Variants in SLC44A5 observed in about 807,000 individuals in gnomAD.
SLC44A5 encodes the protein choline transporter-like protein 5.
In SLC44A5, 57 loss-of-function variants were observed where a neutral mutation model predicts 101.8. The ratio of observed to expected loss-of-function variants is 0.56; its 90% CI spans 0.45 to 0.70. SLC44A5 has a LOEUF of 0.70. SLC44A5 is among the 30% of genes least tolerant of loss of function. The pLI, the probability that SLC44A5 is intolerant of heterozygous loss-of-function variation, is 0.00. For missense variants in SLC44A5, 737 were observed against 853.1 expected (o/e 0.86, Z 1.70); for synonymous variants, 281 against 290.9 (o/e 0.97, Z 0.35).
rs1228367756 is a variant in SLC44A5, at chr1:75,537,029, A to ATATATATATAT, written c.13+4405_13+4406insATATATATATA. Among the ~76,000 whole-genome samples the ATATATATATAT allele has an allele frequency of 2.3e-3, 59 of 25,230 alleles. 1 individual carries two copies. The highest frequency in any genetic ancestry group is 0.015 in the South Asian group (5 of 324). The allele number at this position is 25,230 out of a possible 152,430, so 16.6% of individuals were successfully genotyped here. On this transcript the variant is annotated intron_variant, in intron 2 of 23. Coordinates refer to ENST00000370859, the MANE Select transcript of SLC44A5 (RefSeq NM_001130058.2). ...TCAAAAAAAAAAAAAAAAAAAAAAA[A>ATATATATATAT]AAAAATATATATCTATGCCAAATGA...
At chr1:75,376,996 C>T (rs919239802) in intron 3 of SLC44A5, among the ~76,000 whole-genome samples, 1 of 152,130 alleles carries the variant, frequency 6.6e-6, no homozygotes, top group Non-Finnish European at 1.5e-5. Flanking sequence ...GCTGATGGAG[C>T]TGAAAACCAA....
At chr1:75,717,366 G>GA in the SLC44A5 span, among the ~76,000 whole-genome samples, 11 of 150,812 alleles carry the variant, frequency 7.3e-5, no homozygotes, top group African/African-American at 2.7e-4. Flanking sequence ...GAAAAGAAAA[G>GA]AAAAAATATC....
At chr1:75,474,320 A>G (rs1419567791) in intron 2 of SLC44A5, among the ~76,000 whole-genome samples, 1 of 152,208 alleles carries the variant, frequency 6.6e-6, no homozygotes, top group Non-Finnish European at 1.5e-5. Flanking sequence ...ATTATTAAAT[A>G]AAGTCATTTA....
At chr1:75,234,236 T>C (rs1647866523) in intron 11 of SLC44A5, 138 bp from the exon 12 acceptor site, 1 of 659,734 alleles carries the variant, frequency 1.5e-6, no homozygotes, top group Non-Finnish European at 2.7e-6. Flanking sequence ...ACATTAATAA[T>C]GTTAAAAAGT....
chr1:75,396,719 T>G, intron 2 of SLC44A5, 98 bp from the exon 3 acceptor site: 8 of 913,172 alleles, frequency 8.8e-6, no homozygotes, highest in Non-Finnish European at 1.5e-5. Flanking sequence ...TCTTAGTCTT[T>G]AGACTAACAC....
At chr1:75,258,982 C>T (rs1224152258) in intron 6 of SLC44A5, among the ~76,000 whole-genome samples, 1 of 152,100 alleles carries the variant, frequency 6.6e-6, no homozygotes, top group Non-Finnish European at 1.5e-5. Flanking sequence ...ACAGTATCAA[C>T]AGCAACAAAA....
chr1:75,661,387 T>TAAAAAAAAAAAAAAA, the SLC44A5 span, among the ~76,000 whole-genome samples: 25 of 53,612 alleles, frequency 4.7e-4, 3 homozygotes, highest in African/African-American at 1.8e-3. Context: ...CTACTGCAAG[T>TAAAAAAAAAAAAAAA]AAAAAAAAAA....
chr1:75,232,111 G>A (rs5006253), intron 12 of SLC44A5, among the ~76,000 whole-genome samples: 42,584 of 151,646 alleles, frequency 0.28, 6,228 homozygotes, highest in Middle Eastern at 0.36. Context: ...TCCTCCCTCA[G>A]TAAATTACTG....
the SLC44A5 span, among the ~76,000 whole-genome samples, chr1:75,688,458 T>C: frequency 4.0e-5 from 6 of 151,288 alleles, no homozygotes; most frequent in Middle Eastern, 3.2e-3. Flanking sequence ...TCCAGGCCTA[T>C]GGTTCTTAAG....
At chr1:75,590,103 G>A (rs1025547183) in intron 1 of SLC44A5, among the ~76,000 whole-genome samples, 8 of 151,990 alleles carry the variant, frequency 5.3e-5, no homozygotes, top group Admixed American at 2.6e-4. Context: ...AACCAAGGGA[G>A]TGCTGGCATC....
chr1:75,544,355 T>C (rs140556594), intron 1 of SLC44A5, among the ~76,000 whole-genome samples: 116 of 152,322 alleles, frequency 7.6e-4, no homozygotes, highest in Middle Eastern at 6.8e-3. Flanking sequence ...CTGTTTATTA[T>C]AAATTACCCA....
intron 2 of SLC44A5, among the ~76,000 whole-genome samples, chr1:75,466,957 A>G (rs897475567): frequency 2.0e-5 from 3 of 152,222 alleles, no homozygotes; most frequent in African/African-American, 7.2e-5. Context: ...ACAAAAAACT[A>G]TTAGAATTGA....
At chr1:75,682,681 G>A in the SLC44A5 span, among the ~76,000 whole-genome samples, 1 of 151,670 alleles carries the variant, frequency 6.6e-6, no homozygotes, top group Non-Finnish European at 1.5e-5. Flanking sequence ...ATACCATTCA[G>A]GACATAGGCA....
Position 75,260,644 on chromosome 1 carries a change from G to C in SLC44A5, c.261-9350C>G, listed in dbSNP as rs576881293. Among the ~76,000 whole-genome samples, 7 of 152,194 alleles carry C rather than the reference G, an allele frequency of 4.6e-5. No homozygotes were observed. In the South Asian group the frequency reaches 1.2e-3, roughly 27 times the overall value. On this transcript the variant is annotated intron_variant, in intron 6 of 23. Transcript: ENST00000370859. ...ACAGAATGTTAACAAGGATATCCGGGACCTGAACTCAGCTCTGCAACAAGC... is the reference window on the plus strand; with the variant it reads ...ACAGAATGTTAACAAGGATATCCGGCACCTGAACTCAGCTCTGCAACAAGC...
intron 5 of SLC44A5, among the ~76,000 whole-genome samples, chr1:75,280,751 TC>T (rs1557614846): frequency 6.6e-6 from 1 of 151,512 alleles, no homozygotes; most frequent in South Asian, 2.1e-4. Flanking sequence ...AAGGGACATT[TC>T]CCCCCTTCAC....
intron 12 of SLC44A5, among the ~76,000 whole-genome samples, chr1:75,232,332 C>T (rs1647650088): frequency 6.6e-6 from 1 of 152,108 alleles, no homozygotes; most frequent in South Asian, 2.1e-4. Flanking sequence ...CTGCCCTTTC[C>T]TTCCTGATGA....
At chr1:75,607,123 T>C (rs1409988946) in intron 1 of SLC44A5, among the ~76,000 whole-genome samples, 5 of 152,026 alleles carry the variant, frequency 3.3e-5, no homozygotes, top group Admixed American at 6.6e-5. Context: ...CAAATAAATA[T>C]TTCAAACCCA....
intron 2 of SLC44A5, among the ~76,000 whole-genome samples, chr1:75,531,664 T>C (rs930039263): frequency 6.6e-6 from 1 of 152,188 alleles, no homozygotes; most frequent in South Asian, 2.1e-4. Flanking sequence ...GACCTGGCAA[T>C]GGGAAAATAT....
At chr1:75,466,655 TA>T (rs754658767) in intron 2 of SLC44A5, among the ~76,000 whole-genome samples, 9,823 of 88,454 alleles carry the variant, frequency 0.11, 391 homozygotes, top group Admixed American at 0.2. Flanking sequence ...GATGCCATCT[TA>T]AAAAAAAAAA....
Sources: gnomAD v4.1 joint callset for allele counts (sites outside exome capture counted in the v4.1 genomes callset) on GRCh38, gnomAD v4.1.1 for gene constraint, MANE v1.5 for transcripts, NCBI Gene and HGNC (gene_info 2026-07-23, HGNC 2026-07-21) for gene names.